The following RAB44 variants were observed in gnomAD, a reference collection of about 807,000 sequenced individuals.
RAB44 encodes ras-related protein Rab-44.
In RAB44, 67 loss-of-function variants were observed where a neutral mutation model predicts 93.3. The observed-to-expected ratio is 0.72, with a 90% confidence interval of 0.59 to 0.88. The LOEUF (loss-of-function observed/expected upper bound fraction) is 0.88, where lower values mean the gene tolerates loss of function less well. Ranked by LOEUF, RAB44 falls within the 40% of genes least tolerant of loss-of-function variation. RAB44 has a pLI of 0.00. For synonymous variants in RAB44, 427 were observed against 520.3 expected (o/e 0.82, Z 2.44); for missense variants, 1,064 against 1,261.7 (o/e 0.84, Z 2.37).
chr6:36,724,125 C>T lies in RAB44; in HGVS notation c.2599+1392C>T, dbSNP rs111299370. ...GAGTGGGGTCACAGGTTCTACAACA[C>T]TACCATTATTTTATTTTATTTATTT... On this transcript the variant is annotated intron_variant, in intron 9 of 13. Coordinates refer to ENST00000612677, the MANE Select transcript of RAB44 (RefSeq NM_001257357.2). Among the ~76,000 whole-genome samples the T allele has an allele frequency of 9.4e-3, 1,417 of 150,948 alleles. 22 individuals carry two copies. Among genetic ancestry groups the T allele is most frequent in the African/African-American group, 0.033 (1,358 of 41,048 alleles).
intron 6 of RAB44, 58 bp from the exon 7 acceptor site, chr6:36,718,435 C>A (rs1178268616): frequency 4.2e-6 from 4 of 947,546 alleles, no homozygotes; most frequent in African/African-American, 1.7e-5. Flanking sequence ...GAAGGGCTGG[C>A]CTGCCTGGCT....
intron 4 of RAB44, 116 bp downstream of exon 4, chr6:36,715,769 T>A: frequency 9.1e-7 from 1 of 1,099,520 alleles, no homozygotes; most frequent in Non-Finnish European, 1.3e-6. Flanking sequence ...CAAGTGCAAA[T>A]TCTGGCTTGG....
At position 36,722,307 on chromosome 6, in the gene RAB44, C is replaced by T. The variant is rs1412564423; in HGVS notation, c.2173C>T (p.Pro725Ser). Residue 725 changes from proline to serine, a missense_variant, in exon 9 of 14, where the codon CCA (proline) becomes TCA (serine). By Grantham distance (74) the Pro-to-Ser change is moderately conservative (BLOSUM62 -1). Transcript: ENST00000612677. ...GCTTGTTTCTCTCCCATCTGCCACACCACAGGCTCAGGTGGAAGCAGAAGG... is the reference window on the plus strand; with the variant it reads ...GCTTGTTTCTCTCCCATCTGCCACATCACAGGCTCAGGTGGAAGCAGAAGG... ...SLLVSLPSAT[P>S]QAQVEAEGPT... 3.8e-6 allele frequency: 5 copies of T among 1,319,714 alleles called. No homozygotes were observed. The highest frequency in any genetic ancestry group is 4.8e-6 in the Non-Finnish European group (5 of 1,036,796). 81.8% of individuals were successfully genotyped at this position (1,319,714 alleles called of 1,614,324 possible).
chr6:36,721,681 C>T lies in RAB44; in HGVS notation c.1547C>T (p.Ala516Val). 1 of 1,234,450 alleles carries T rather than the reference C, an allele frequency of 8.1e-7. No homozygotes were observed. Among genetic ancestry groups the T allele is most frequent in the Non-Finnish European group, 1.0e-6 (1 of 988,268 alleles). The allele number at this position is 1,234,450 out of a possible 1,614,324, so 76.5% of individuals were successfully genotyped here. The change falls in exon 9 of 14, where the codon GCT (alanine) becomes GTT (valine). Residue 516 changes from alanine to valine, a missense_variant. Coordinates refer to ENST00000612677, the MANE Select transcript of RAB44 (RefSeq NM_001257357.2). Reference sequence around the variant, plus strand: ...AACTCTCCCCCTCCCCAGGCCCCAGCTGGGTCCAGCAAACAGATCCAGGCC... The same window carrying T: ...AACTCTCCCCCTCCCCAGGCCCCAGTTGGGTCCAGCAAACAGATCCAGGCC... ...PANSPPPQAPAGSSKQIQASD... is the reference protein window; with the variant it reads ...PANSPPPQAPVGSSKQIQASD...
chr6:36,727,537 C>A, intron 10 of RAB44, 40 bp from the exon 11 acceptor site: 1 of 1,437,756 alleles, frequency 7.0e-7, no homozygotes, highest in Non-Finnish European at 9.6e-7. Flanking sequence ...GGCCTGGGGT[C>A]TGGATGCCTG....
rs1262684581 is a variant in RAB44 at position 36,731,611 on chromosome 6, G to A, written c.2976-392G>A. ...TGCACCTCCCCCACCCTTTCTGCTG[G>A]CATACCTTGTCCATGGCTCAGTTCG... On this transcript the variant is annotated intron_variant, in intron 13 of 13. Transcript: ENST00000612677. The surrounding 1 kb of genome is among the most constrained non-coding windows in gnomAD (Gnocchi z 4.0). Among the ~76,000 whole-genome samples the A allele has an allele frequency of 6.6e-6, 1 of 152,132 alleles. No homozygotes were observed. Among genetic ancestry groups the A allele is most frequent in the Non-Finnish European group, 1.5e-5 (1 of 68,026 alleles).
chr6:36,704,944 A>AC (rs1453638544), intron 2 of RAB44, among the ~76,000 whole-genome samples: 1 of 151,928 alleles, frequency 6.6e-6, no homozygotes, highest in African/African-American at 2.4e-5. Context: ...ACATGGTGAA[A>AC]CCCCGTCTCT....
At chr6:36,704,822 TAAAG>T (rs1762603805) in intron 2 of RAB44, among the ~76,000 whole-genome samples, 1 of 152,134 alleles carries the variant, frequency 6.6e-6, no homozygotes, top group Admixed American at 6.6e-5. Context: ...TGTGTCCCCA[TAAAG>T]AGTCTTAGGG....
chr6:36,704,150 C>G lies in RAB44; in HGVS notation c.-12-74C>G, dbSNP rs188719556. The G allele has an allele frequency of 2.7e-5, 35 of 1,292,956 alleles. No homozygotes were observed. In the East Asian group the frequency reaches 8.4e-4, roughly 31 times the overall value. The allele number at this position is 1,292,956 out of a possible 1,614,324, so 80.1% of individuals were successfully genotyped here. On this transcript the variant is annotated intron_variant, in intron 1 of 13. Coordinates refer to ENST00000612677, the MANE Select transcript of RAB44 (RefSeq NM_001257357.2). ...GATTTTCTTCCAAGGGTGATGGGAG[C>G]CAGGGGAGGGTTTTGAGCCATGAGA...
At position 36,721,754 on chromosome 6, in the gene RAB44, G is replaced by T; in HGVS notation, c.1620G>T (p.Gly540=). The T allele has an allele frequency of 8.1e-7, 1 of 1,234,420 alleles. No homozygotes were observed. Among genetic ancestry groups the T allele is most frequent in the East Asian group, 3.2e-5 (1 of 31,682 alleles). The allele number at this position is 1,234,420 out of a possible 1,614,324, so 76.5% of individuals were successfully genotyped here. ...CTGGGTCTTGGGCTCCTCCCAGCGG[G>T]GCTCAGCCTGGGGCTGGAGCAGGAC... ...KGPGSWAPPS[G]AQPGAGAGPQ... is the part of the protein sequence containing the mutation. Residue 540 remains glycine, a synonymous_variant, in exon 9 of 14, where the codon GGG becomes GGT. Coordinates refer to ENST00000612677, the MANE Select transcript of RAB44 (RefSeq NM_001257357.2).
Position 36,731,444 on chromosome 6 carries a change from G to T in RAB44, c.2976-559G>T, listed in dbSNP as rs965443075. Among the ~76,000 whole-genome samples, 1 of 152,228 alleles carries T rather than the reference G, an allele frequency of 6.6e-6. No homozygotes were observed. Among genetic ancestry groups the T allele is most frequent in the Non-Finnish European group, 1.5e-5 (1 of 68,036 alleles). On this transcript the variant is annotated intron_variant, in intron 13 of 13. Coordinates refer to ENST00000612677, the MANE Select transcript of RAB44 (RefSeq NM_001257357.2). This position sits in a 1 kb window ranked among gnomAD's most constrained non-coding sequence, Gnocchi z 4.0. ...GGTGCTCCATAAATGAATAAAATGAGTAAGGCATGAGGGGAGCTAGATCAG... is the reference window on the plus strand; with the variant it reads ...GGTGCTCCATAAATGAATAAAATGATTAAGGCATGAGGGGAGCTAGATCAG...
chr6:36,723,556 C>A (rs1763150968), intron 9 of RAB44, among the ~76,000 whole-genome samples: 1 of 152,050 alleles, frequency 6.6e-6, no homozygotes, highest in Non-Finnish European at 1.5e-5. Flanking sequence ...GCAAACCCAG[C>A]CGGGCGCAGT....
rs142969546 is a variant in RAB44 at position 36,704,104 on chromosome 6, C to A, written c.-12-120C>A. 1,801 of 897,866 alleles carry A rather than the reference C, an allele frequency of 2.0e-3. 5 individuals are homozygous for A. Among genetic ancestry groups the A allele is most frequent in the Admixed American group, 3.1e-3 (133 of 42,786 alleles). The allele number at this position is 897,866 out of a possible 1,614,324, so 55.6% of individuals were successfully genotyped here. A position where few individuals can be genotyped will look rare whatever the true frequency, so the allele number is the denominator to read the frequency against. ...AGGACCCGGCGGGACACCATCAGGC[C>A]GGGCTTTGGCAGCCACAGTGGATTT... On this transcript the variant is annotated intron_variant, in intron 1 of 13. Transcript: ENST00000612677.
At chr6:36,714,070 C>T (rs978673143) in intron 3 of RAB44, 131 bp downstream of exon 3, 17 of 657,840 alleles carry the variant, frequency 2.6e-5, no homozygotes, top group Non-Finnish European at 4.3e-5. Context: ...CCGGCTGCCA[C>T]AGTGGTCCGG....
In RAB44 at chr6:36,722,658, T is replaced by TC. The variant is rs1562064980; in HGVS notation, c.2526dup (p.Asn843GlnfsTer65). On this transcript the variant is annotated frameshift_variant, in exon 9 of 14. Coordinates refer to ENST00000612677, the MANE Select transcript of RAB44 (RefSeq NM_001257357.2). LOFTEE classifies it high-confidence loss of function. ...CTTCCATGTCATCTTTCTGGGAGACTCCAACGTGGGCAAAACATCCTTCCT... is the reference window on the plus strand; with the variant it reads ...CTTCCATGTCATCTTTCTGGGAGACTCCCAACGTGGGCAAAACATCCTTCCT... 1.9e-6 allele frequency: 3 copies of TC among 1,550,664 alleles called. No homozygotes were observed. Among genetic ancestry groups the TC allele is most frequent in the Non-Finnish European group, 2.6e-6 (3 of 1,147,008 alleles).
chr6:36,714,287 T>TG (rs999829535), intron 3 of RAB44, among the ~76,000 whole-genome samples: 2 of 151,904 alleles, frequency 1.3e-5, no homozygotes, highest in African/African-American at 4.8e-5. Flanking sequence ...TATCTAGGGG[T>TG]GGGGGCTTTC....
intron 9 of RAB44, among the ~76,000 whole-genome samples, chr6:36,724,581 T>C (rs1304973203): frequency 6.6e-6 from 1 of 152,218 alleles, no homozygotes; most frequent in Non-Finnish European, 1.5e-5. Flanking sequence ...TCCTTTATTA[T>C]GTGGTAAGAA....
intron 7 of RAB44, among the ~76,000 whole-genome samples, chr6:36,718,977 T>C (rs991836871): frequency 6.6e-6 from 1 of 151,890 alleles, no homozygotes; most frequent in Admixed American, 6.6e-5. Flanking sequence ...CAGTCTTGGC[T>C]CACTGCAAGC....
chr6:36,704,127 T>G, intron 1 of RAB44, 97 bp from the exon 2 acceptor site: 1 of 1,159,600 alleles, frequency 8.6e-7, no homozygotes, highest in Non-Finnish European at 1.2e-6. Flanking sequence ...CCACAGTGGA[T>G]TTTCTTCCAA....
Sources: gnomAD v4.1 joint callset for allele counts (sites outside exome capture counted in the v4.1 genomes callset) on GRCh38, gnomAD v4.1.1 for gene constraint, Gnocchi (gnomAD v3.1) non-coding constraint, MANE v1.5 for transcripts, NCBI Gene and HGNC (gene_info 2026-07-23, HGNC 2026-07-21) for gene names.